The following SESN3 variants were observed in gnomAD, a reference collection of about 807,000 sequenced individuals.
SESN3 encodes the protein sestrin-3.
SESN3 carries 21 observed loss-of-function variants against 55.3 expected under a neutral mutation model. That is an observed-to-expected ratio of 0.38 (90% CI 0.27 to 0.55). The LOEUF is 0.55. SESN3 is among the 20% of genes least tolerant of loss of function. The pLI is 0.76. For synonymous variants in SESN3, 181 were observed against 203.1 expected (o/e 0.89, Z 0.93); for missense variants, 408 against 604.3 (o/e 0.68, Z 3.41).
chr11:95,186,840 A>T (rs1860177064), intron 4 of SESN3, among the ~76,000 whole-genome samples: 1 of 151,920 alleles, frequency 6.6e-6, no homozygotes, highest in African/African-American at 2.4e-5. Context: ...ATAAAAGAAT[A>T]TACACCAGAA....
Position 95,166,571 on chromosome 11 carries a change from G to C in SESN3, c.*6684C>G, listed in dbSNP as rs1230446796. ...GCAAAACCAGGATTTTTTAAAAAGAGTTTTCAAGTTCAACTTCTATTTCAT... is the reference window on the plus strand; with the variant it reads ...GCAAAACCAGGATTTTTTAAAAAGACTTTTCAAGTTCAACTTCTATTTCAT... On this transcript the variant is annotated 3_prime_UTR_variant, in exon 10 of 10. Coordinates refer to ENST00000536441, the MANE Select transcript of SESN3 (RefSeq NM_144665.4). 1 of 152,164 alleles carries C rather than the reference G, an allele frequency of 6.6e-6. No individual in the cohort carries two copies. Among genetic ancestry groups the C allele is most frequent in the Non-Finnish European group, 1.5e-5 (1 of 68,012 alleles). The allele number at this position is 152,164 out of a possible 1,614,324, so 9.4% of individuals were successfully genotyped here. A position where few individuals can be genotyped will look rare whatever the true frequency, so the allele number is the denominator to read the frequency against.
chr11:95,212,676 C>A (rs1281984706), intron 1 of SESN3, among the ~76,000 whole-genome samples: 4 of 152,062 alleles, frequency 2.6e-5, no homozygotes, highest in Non-Finnish European at 5.9e-5. Flanking sequence ...ACATCAGATT[C>A]CTAAAGAGAA....
intron 1 of SESN3, among the ~76,000 whole-genome samples, chr11:95,222,311 C>T (rs184772578): frequency 2.0e-5 from 3 of 152,156 alleles, no homozygotes; most frequent in Admixed American, 2.0e-4. Context: ...TTCATGGCCA[C>T]AAGGATAATG....
intron 8 of SESN3, among the ~76,000 whole-genome samples, chr11:95,176,668 AAG>A (rs1434904640): frequency 2.0e-5 from 3 of 152,204 alleles, no homozygotes; most frequent in Non-Finnish European, 2.9e-5. Flanking sequence ...GTTTAATAAA[AAG>A]AGTATCTTGA....
At chr11:95,186,194 CTGTGTGTGTGTGTGTGTGTGTG>C (rs35466696) in intron 4 of SESN3, among the ~76,000 whole-genome samples, 14 of 107,552 alleles carry the variant, frequency 1.3e-4, no homozygotes, top group Admixed American at 8.0e-4. Flanking sequence ...CTATCTCTCA[CTGTGTGTGTGTGTGTGTGTGTG>C]TGTGTGTGTG....
At chr11:95,198,408 T>A (rs988096942) in intron 1 of SESN3, among the ~76,000 whole-genome samples, 6 of 151,782 alleles carry the variant, frequency 4.0e-5, no homozygotes, top group Non-Finnish European at 8.8e-5. Context: ...TGCTACTTGA[T>A]TAGAAAAATT....
chr11:95,193,410 G>A (rs583928), intron 2 of SESN3, 47 bp downstream of exon 2: 49,979 of 1,124,378 alleles, frequency 0.044, 3,375 homozygotes, highest in East Asian at 0.32. Context: ...ATACAGTTAA[G>A]TTATTTTTAA....
intron 6 of SESN3, 90 bp from the exon 7 acceptor site, chr11:95,178,918 T>C: frequency 1.4e-6 from 1 of 699,734 alleles, no homozygotes; most frequent in Non-Finnish European, 2.5e-6. Flanking sequence ...ACTTTTTAGC[T>C]TTTCCATGGA....
At chr11:95,177,018 A>C (rs1413849702) in intron 8 of SESN3, among the ~76,000 whole-genome samples, 1 of 152,176 alleles carries the variant, frequency 6.6e-6, no homozygotes, top group Non-Finnish European at 1.5e-5. Flanking sequence ...AATTATCATA[A>C]AGTCTGTCTG....
chr11:95,185,643 T>G, intron 4 of SESN3, 151 bp from the exon 5 acceptor site: 1 of 612,270 alleles, frequency 1.6e-6, no homozygotes, highest in Non-Finnish European at 2.9e-6. Context: ...AAAGATATGA[T>G]TTTGGCCAAT....
chr11:95,223,289 C>T lies in SESN3; in HGVS notation c.78+7494G>A, dbSNP rs559763937. ...CCCTGCATTAATAGTTCTGTCTCTT[C>T]TCTCTCTTTTCTTGTTCCTTCTGCT... On this transcript the variant is annotated intron_variant, in intron 1 of 9. Coordinates refer to ENST00000536441, the MANE Select transcript of SESN3 (RefSeq NM_144665.4). 2.0e-5 allele frequency among the ~76,000 whole-genome samples: 3 copies of T among 152,210 alleles called. No homozygotes were observed. The South Asian group carries it at 6.2e-4, about 32-fold the overall frequency.
chr11:95,197,734 T>C (rs1591061509), intron 1 of SESN3, among the ~76,000 whole-genome samples: 1 of 152,124 alleles, frequency 6.6e-6, no homozygotes, highest in Non-Finnish European at 1.5e-5. Flanking sequence ...CAAAACAAAA[T>C]TCTACTCAAA....
In SESN3 at chr11:95,172,829, T is replaced by C. The variant is rs1382977616; in HGVS notation, c.*426A>G. The stretch of plus-strand genomic sequence containing the variant: ...TAGAATGGCCAGAGAGGTCACTCTT[T>C]GCTGAATTCCAATATCTGAAAAACA... On this transcript the variant is annotated 3_prime_UTR_variant, in exon 10 of 10. Transcript: ENST00000536441. 1 of 155,738 alleles carries C rather than the reference T, an allele frequency of 6.4e-6. No individual in the cohort carries two copies. The highest frequency in any genetic ancestry group is 2.4e-5 in the African/African-American group (1 of 41,512). The allele number at this position is 155,738 out of a possible 1,614,324, so 9.6% of individuals were successfully genotyped here. A position where few individuals can be genotyped will look rare whatever the true frequency, so the allele number is the denominator to read the frequency against.
chr11:95,173,705 T>C (rs1286880334), intron 9 of SESN3, among the ~76,000 whole-genome samples: 1 of 151,974 alleles, frequency 6.6e-6, no homozygotes, highest in African/African-American at 2.4e-5. Flanking sequence ...TTTTTTTTTT[T>C]AACAGTTTAT....
At chr11:95,214,884 C>T (rs142122201) in intron 1 of SESN3, among the ~76,000 whole-genome samples, 356 of 152,184 alleles carry the variant, frequency 2.3e-3, no homozygotes, top group Non-Finnish European at 4.2e-3. Context: ...CTTGATTTGT[C>T]GTAAACAAGC....
At chr11:95,210,144 G>T (rs896585320) in intron 1 of SESN3, among the ~76,000 whole-genome samples, 4 of 151,762 alleles carry the variant, frequency 2.6e-5, no homozygotes, top group Non-Finnish European at 5.9e-5. Flanking sequence ...GCATGTTCTT[G>T]CTCATAAGTG....
Position 95,175,739 on chromosome 11 carries a change from T to G in SESN3, c.1248-97A>C. On this transcript the variant is annotated intron_variant, in intron 8 of 9. Transcript: ENST00000536441. ...CATTTATTGTCTAGTAATTAAATACTAAAAGCTCGTTAATTAATTGAATCA... is the reference window on the plus strand; with the variant it reads ...CATTTATTGTCTAGTAATTAAATACGAAAAGCTCGTTAATTAATTGAATCA... The G allele has an allele frequency of 3.1e-6, 3 of 969,230 alleles. No individual in the cohort carries two copies. The South Asian group carries it at 5.0e-5, about 16-fold the overall frequency. 60.0% of individuals were successfully genotyped at this position (969,230 alleles called of 1,614,324 possible).
chr11:95,183,074 A>AT (rs1201632369), intron 6 of SESN3, among the ~76,000 whole-genome samples: 3 of 151,922 alleles, frequency 2.0e-5, no homozygotes, highest in Admixed American at 6.6e-5. Flanking sequence ...AGTTACAATT[A>AT]TTTTTTTGCT....
intron 1 of SESN3, among the ~76,000 whole-genome samples, chr11:95,204,406 G>GT (rs1860510701): frequency 6.6e-6 from 1 of 151,946 alleles, no homozygotes; most frequent in Admixed American, 6.6e-5. Context: ...ATTAAACACT[G>GT]TAACTTTTAA....
Sources: gnomAD v4.1 joint callset for allele counts (sites outside exome capture counted in the v4.1 genomes callset) on GRCh38, gnomAD v4.1.1 for gene constraint, MANE v1.5 for transcripts, NCBI Gene and HGNC (gene_info 2026-07-23, HGNC 2026-07-21) for gene names.